GALNT18: variants seen among roughly 807,000 people sequenced by gnomAD.
The protein encoded by GALNT18 is polypeptide N-acetylgalactosaminyltransferase 18.
In GALNT18, 44 loss-of-function variants were observed where a neutral mutation model predicts 69.5. The observed-to-expected ratio is 0.63, with a 90% CI of 0.50 to 0.81. The LOEUF is 0.81. Among genes scored for constraint, GALNT18 ranks in the 40% least tolerant of loss-of-function variants. The pLI is 0.00. For missense variants in GALNT18, 715 were observed against 810.0 expected (o/e 0.88, Z 1.42); for synonymous variants, 364 against 318.2 (o/e 1.14, Z -1.53).
chr11:11,300,927 A>G (rs1432995244), intron 9 of GALNT18, among the ~76,000 whole-genome samples: 1 of 152,190 alleles, frequency 6.6e-6, no homozygotes, highest in African/African-American at 2.4e-5. Context: ...GAAGCCTAGG[A>G]GTGAAATGTT....
In GALNT18 at chr11:11,382,850, G is replaced by C. The variant is rs1427879726; in HGVS notation, c.596-3586C>G. Among the ~76,000 whole-genome samples the C allele has an allele frequency of 1.3e-5, 2 of 152,090 alleles. No homozygotes were observed. The highest frequency in any genetic ancestry group is 4.8e-5 in the African/African-American group (2 of 41,412). On this transcript the variant is annotated intron_variant, in intron 3 of 10. Coordinates refer to ENST00000227756, the MANE Select transcript of GALNT18 (RefSeq NM_198516.3). This position sits in a 1 kb window ranked among gnomAD's most constrained non-coding sequence, Gnocchi z 4.3. ...GTATAATTGTGGAAGGAAAAGGGAA[G>C]GTATATTTTGTGCTTGTTTTAATGC...
intron 2 of GALNT18, among the ~76,000 whole-genome samples, chr11:11,433,432 G>A (rs965823618): frequency 7.2e-5 from 11 of 152,246 alleles, no homozygotes; most frequent in Non-Finnish European, 1.5e-5. Flanking sequence ...AAGAGGTTGA[G>A]TTCCCACCTA....
At chr11:11,504,050 T>C (rs1857023950) in intron 1 of GALNT18, among the ~76,000 whole-genome samples, 1 of 152,266 alleles carries the variant, frequency 6.6e-6, no homozygotes, top group South Asian at 2.1e-4. Flanking sequence ...GGCCTGAGCA[T>C]ATAAAAGCAA....
In GALNT18 at chr11:11,598,852, T is replaced by C. The variant is rs1375268491; in HGVS notation, c.235+22507A>G. ...TTTCTTCTTCTATCCCTTGGTTATTTAGGAGTATGTTATCTAATATCCATG... is the reference window on the plus strand; with the variant it reads ...TTTCTTCTTCTATCCCTTGGTTATTCAGGAGTATGTTATCTAATATCCATG... On this transcript the variant is annotated intron_variant, in intron 1 of 10. Transcript: ENST00000227756. This position sits in a 1 kb window ranked among gnomAD's most constrained non-coding sequence, Gnocchi z 4.8. Among the ~76,000 whole-genome samples the C allele has an allele frequency of 4.6e-5, 7 of 152,198 alleles. No individual in the cohort carries two copies. The highest frequency in any genetic ancestry group is 1.0e-4 in the Non-Finnish European group (7 of 68,012).
intron 1 of GALNT18, among the ~76,000 whole-genome samples, chr11:11,487,389 C>T (rs919855966): frequency 6.6e-6 from 1 of 151,920 alleles, no homozygotes; most frequent in Non-Finnish European, 1.5e-5. Flanking sequence ...CAAATACCAC[C>T]TGTTCCCCAA....
rs1855371304 is a variant in GALNT18, at chr11:11,435,201, C to G, written c.429-2414G>C. Reference sequence around the variant, plus strand: ...GGTCTGCACTGCGTTCCCAGAGCCTCAGTATCCAAATTTCCAGGGTGTTCA... The same window carrying G: ...GGTCTGCACTGCGTTCCCAGAGCCTGAGTATCCAAATTTCCAGGGTGTTCA... On this transcript the variant is annotated intron_variant, in intron 2 of 10. Coordinates refer to ENST00000227756, the MANE Select transcript of GALNT18 (RefSeq NM_198516.3). The surrounding 1 kb of genome is among the most constrained non-coding windows in gnomAD (Gnocchi z 4.4). Among the ~76,000 whole-genome samples the G allele has an allele frequency of 6.6e-6, 1 of 152,172 alleles. No individual in the cohort carries two copies. The highest frequency in any genetic ancestry group is 2.4e-5 in the African/African-American group (1 of 41,432).
At chr11:11,364,952 CTA>C (rs1260023892) in intron 6 of GALNT18, among the ~76,000 whole-genome samples, 1 of 151,060 alleles carries the variant, frequency 6.6e-6, no homozygotes, top group Non-Finnish European at 1.5e-5. Context: ...ATTTATTTTA[CTA>C]TCTCACTGTT....
intron 10 of GALNT18, among the ~76,000 whole-genome samples, chr11:11,292,120 C>G (rs76902474): frequency 2.0e-5 from 3 of 152,106 alleles, no homozygotes; most frequent in Non-Finnish European, 1.5e-5. Flanking sequence ...TGTTCCCTCC[C>G]GAACTTCCCT....
In GALNT18 at chr11:11,523,187, AT is replaced by A. The variant is rs1304469910; in HGVS notation, c.236-74252del. Among the ~76,000 whole-genome samples the A allele has an allele frequency of 2.0e-5, 3 of 152,220 alleles. No homozygotes were observed. Among genetic ancestry groups the A allele is most frequent in the Non-Finnish European group, 4.4e-5 (3 of 68,034 alleles). On this transcript the variant is annotated intron_variant, in intron 1 of 10. Coordinates refer to ENST00000227756, the MANE Select transcript of GALNT18 (RefSeq NM_198516.3). This position sits in a 1 kb window ranked among gnomAD's most constrained non-coding sequence, Gnocchi z 4.3. ...CCTTCCAGTTTTGCCACCCACAGAC[AT>A]TATGAACTTGAGAAAGTCATTTCAC...
At chr11:11,273,953 G>A (rs960695215) in intron 10 of GALNT18, among the ~76,000 whole-genome samples, 12 of 152,140 alleles carry the variant, frequency 7.9e-5, no homozygotes, top group East Asian at 5.8e-4. Flanking sequence ...TGCAGAAGGC[G>A]GGTGATTTCT....
intron 10 of GALNT18, among the ~76,000 whole-genome samples, chr11:11,292,330 G>A (rs1380975395): frequency 6.6e-6 from 1 of 152,146 alleles, no homozygotes; most frequent in African/African-American, 2.4e-5. Context: ...TCTCCTCAAA[G>A]CTAGGCATCT....
chr11:11,483,536 A>C (rs1304690813), intron 1 of GALNT18, among the ~76,000 whole-genome samples: 1 of 152,244 alleles, frequency 6.6e-6, no homozygotes, highest in African/African-American at 2.4e-5. Flanking sequence ...AGCCAATGGC[A>C]GATGGATCTG....
At chr11:11,556,357 G>A (rs1030490573) in intron 1 of GALNT18, among the ~76,000 whole-genome samples, 3 of 152,222 alleles carry the variant, frequency 2.0e-5, no homozygotes, top group Admixed American at 2.0e-4. Context: ...ACAGTAGCGT[G>A]AAGTGCCACG....
chr11:11,566,512 T>A (rs1196148083), intron 1 of GALNT18, among the ~76,000 whole-genome samples: 1 of 152,232 alleles, frequency 6.6e-6, no homozygotes, highest in East Asian at 1.9e-4. Context: ...ATCTCTGCTC[T>A]TGGGAGATGT....
At chr11:11,361,248 A>G (rs1016663917) in intron 6 of GALNT18, among the ~76,000 whole-genome samples, 1 of 152,242 alleles carries the variant, frequency 6.6e-6, no homozygotes, top group Non-Finnish European at 1.5e-5. Flanking sequence ...ATGCCTTCTT[A>G]GACCAGGCAT....
Position 11,546,654 on chromosome 11 carries a change from T to C in GALNT18, c.235+74705A>G, listed in dbSNP as rs1384060831. The stretch of plus-strand genomic sequence containing the variant: ...TACCTAGTGTTATCTACTGTCCACA[T>C]ACTCTGACCTCTAACCATACAAATA... On this transcript the variant is annotated intron_variant, in intron 1 of 10. Transcript: ENST00000227756. This position sits in a 1 kb window ranked among gnomAD's most constrained non-coding sequence, Gnocchi z 5.8. Among the ~76,000 whole-genome samples the C allele has an allele frequency of 6.6e-6, 1 of 152,224 alleles. No homozygotes were observed. Among genetic ancestry groups the C allele is most frequent in the Non-Finnish European group, 1.5e-5 (1 of 68,036 alleles).
intron 10 of GALNT18, among the ~76,000 whole-genome samples, chr11:11,286,771 C>A (rs549766080): frequency 6.6e-6 from 1 of 152,016 alleles, no homozygotes; most frequent in Non-Finnish European, 1.5e-5. Context: ...GAGAGGGACA[C>A]GGGTTGAAAT....
chr11:11,378,862 G>A (rs921081385), intron 4 of GALNT18, among the ~76,000 whole-genome samples: 5 of 152,168 alleles, frequency 3.3e-5, no homozygotes, highest in African/African-American at 1.2e-4. Context: ...ACCGTGTGCT[G>A]ACCTGTTGAC....
At position 11,381,285 on chromosome 11, in the gene GALNT18, GT is replaced by G. The variant is rs1189025640; in HGVS notation, c.596-2022del. On this transcript the variant is annotated intron_variant, in intron 3 of 10. Transcript: ENST00000227756. ...AGAGCTCATAAAGTCTGATATCTGG[GT>G]TTTTGATGGTGGCAGTTAAGTGTTG... 6.6e-5 allele frequency among the ~76,000 whole-genome samples: 10 copies of G among 152,276 alleles called. No individual in the cohort carries two copies. The East Asian group carries it at 1.9e-3, about 29-fold the overall frequency.
Sources: allele counts gnomAD v4.1 joint callset (sites outside exome capture counted in the v4.1 genomes callset), GRCh38; gene constraint gnomAD v4.1.1; non-coding constraint Gnocchi (gnomAD v3.1); transcripts MANE v1.5; gene names NCBI Gene and HGNC (gene_info 2026-07-23, HGNC 2026-07-21).